Variants in BICRAL observed in about 807,000 individuals in gnomAD.
The protein encoded by BICRAL is BICRA like chromatin remodeling complex associated protein.
A neutral mutation model predicts 91.8 loss-of-function variants in BICRAL; 8 were observed. That is an observed-to-expected ratio of 0.09 (90% confidence interval 0.05 to 0.16). The LOEUF (loss-of-function observed/expected upper bound fraction) is 0.16. Ranked by LOEUF, BICRAL falls within the 10% of genes least tolerant of loss-of-function variation. The pLI is 1.00. For synonymous variants in BICRAL, 445 were observed against 491.1 expected, an observed-to-expected ratio of 0.91 and a Z score of 1.24; for missense variants, 1,038 against 1,310.9, an observed-to-expected ratio of 0.79 and a Z score of 3.21.
intron 6 of BICRAL, among the ~76,000 whole-genome samples, chr6:42,843,416 G>A (rs1476911909): frequency 4.6e-5 from 7 of 152,148 alleles, no homozygotes; most frequent in Non-Finnish European, 7.3e-5. Flanking sequence ...TGGGAAAGGC[G>A]AGCACAAACC....
intron 6 of BICRAL, among the ~76,000 whole-genome samples, chr6:42,833,647 C>T (rs375605408): frequency 2.9e-4 from 44 of 151,902 alleles, no homozygotes; most frequent in African/African-American, 9.2e-4. Flanking sequence ...AGGGTTTCTC[C>T]GTGTTGGCCA....
chr6:42,812,829 C>A (rs934659703), intron 2 of BICRAL, among the ~76,000 whole-genome samples: 4 of 152,116 alleles, frequency 2.6e-5, no homozygotes, highest in African/African-American at 9.7e-5. Flanking sequence ...CCCAGGAGTT[C>A]AGGACCAGCC....
At chr6:42,826,842 A>G (rs1248293041) in intron 5 of BICRAL, among the ~76,000 whole-genome samples, 1 of 151,832 alleles carries the variant, frequency 6.6e-6, no homozygotes, top group Non-Finnish European at 1.5e-5. Flanking sequence ...GCTGGAGTGC[A>G]ATGGCACAAT....
At chr6:42,860,147 C>A in intron 10 of BICRAL, 115 bp from the exon 11 acceptor site, 1 of 650,258 alleles carries the variant, frequency 1.5e-6, no homozygotes, top group Non-Finnish European at 2.7e-6. Flanking sequence ...GAAAATTGCC[C>A]CAGATAAGCC....
chr6:42,779,533 G>A (rs1490008320), upstream of BICRAL, among the ~76,000 whole-genome samples: 1 of 152,086 alleles, frequency 6.6e-6, no homozygotes, highest in African/African-American at 2.4e-5. Context: ...GGCTGCATTT[G>A]AAGCAAAATA....
At chr6:42,815,862 C>T (rs183750701) in intron 2 of BICRAL, among the ~76,000 whole-genome samples, 3 of 151,168 alleles carry the variant, frequency 2.0e-5, no homozygotes, top group Non-Finnish European at 4.4e-5. Context: ...TGGTGTGGCC[C>T]TGTAATCCTA....
rs76134443 is a variant in BICRAL, at chr6:42,867,240, A to T, written c.*1794A>T. On this transcript the variant is annotated 3_prime_UTR_variant, in exon 13 of 13. Transcript: ENST00000314073. Reference sequence around the variant, plus strand: ...CTATACCCCGGTGCCCCTGTGTCCCACTACACACAGAAAACCCTGTGAGAT... The same window carrying T: ...CTATACCCCGGTGCCCCTGTGTCCCTCTACACACAGAAAACCCTGTGAGAT... The T allele has an allele frequency of 1.2e-3, 206 of 167,324 alleles. 3 individuals are homozygous for T. In the East Asian group the frequency reaches 0.032, roughly 26 times the overall value. 10.4% of individuals were successfully genotyped at this position (167,324 alleles called of 1,614,324 possible). A position where few individuals can be genotyped will look rare whatever the true frequency, so the allele number is the denominator to read the frequency against.
intron 1 of BICRAL, among the ~76,000 whole-genome samples, chr6:42,754,472 T>C (rs755897265): frequency 2.0e-5 from 3 of 152,214 alleles, no homozygotes; most frequent in Admixed American, 6.5e-5. Context: ...GTGCCATACA[T>C]AGACTTTTTG....
At chr6:42,783,076 G>C (rs1035015747) in intron 1 of BICRAL, among the ~76,000 whole-genome samples, 2 of 151,776 alleles carry the variant, frequency 1.3e-5, no homozygotes, top group African/African-American at 4.8e-5. Context: ...CCGCGGCGAG[G>C]AGAGCAGGTC....
intron 1 of BICRAL, among the ~76,000 whole-genome samples, chr6:42,757,713 T>C (rs56285608): frequency 0.24 from 37,038 of 152,198 alleles, 4,669 homozygotes; most frequent in African/African-American, 0.27. Flanking sequence ...GCATTTGCTA[T>C]GTGCCAGGAA....
intron 6 of BICRAL, among the ~76,000 whole-genome samples, chr6:42,842,875 A>G (rs1288546102): frequency 7.6e-6 from 1 of 132,230 alleles, no homozygotes; most frequent in Admixed American, 7.5e-5. Context: ...TTTTTTTTAG[A>G]TGGAGTCTTG....
intron 1 of BICRAL, among the ~76,000 whole-genome samples, chr6:42,807,185 G>T (rs1432288479): frequency 6.6e-6 from 1 of 151,558 alleles, no homozygotes; most frequent in African/African-American, 2.4e-5. Context: ...ATTTATTTAT[G>T]TATTTAGTTA....
chr6:42,758,188 A>C (rs555206207), intron 1 of BICRAL, among the ~76,000 whole-genome samples: 1 of 152,114 alleles, frequency 6.6e-6, no homozygotes, highest in African/African-American at 2.4e-5. Context: ...CTATTGTTAC[A>C]GTTTCCCATC....
At chr6:42,793,002 T>TGGA (rs1284696297) in intron 1 of BICRAL, among the ~76,000 whole-genome samples, 2 of 148,192 alleles carry the variant, frequency 1.3e-5, no homozygotes, top group East Asian at 4.1e-4. Flanking sequence ...TTGCCCAGGC[T>TGGA]GGAGTGCAGT....
In BICRAL at chr6:42,801,488, T is replaced by C. The variant is rs556374184; in HGVS notation, c.-101-8818T>C. On this transcript the variant is annotated intron_variant, in intron 1 of 12. Coordinates refer to ENST00000314073, the MANE Select transcript of BICRAL (RefSeq NM_001393499.1). ...GAATGCAAACGGCAGTGTCCCATCT[T>C]TTTTACTATTTATGACTGGCATTGT... Among the ~76,000 whole-genome samples the C allele has an allele frequency of 2.0e-5, 3 of 152,164 alleles. No homozygotes were observed. The South Asian group carries it at 6.2e-4, about 31-fold the overall frequency.
At chr6:42,797,792 A>G in intron 1 of BICRAL, among the ~76,000 whole-genome samples, 1 of 152,066 alleles carries the variant, frequency 6.6e-6, no homozygotes, top group East Asian at 1.9e-4. Context: ...CCTGGCCAAC[A>G]TGGTGAAACC....
At chr6:42,791,985 A>T (rs1238615003) in intron 1 of BICRAL, among the ~76,000 whole-genome samples, 1 of 152,168 alleles carries the variant, frequency 6.6e-6, no homozygotes. Flanking sequence ...TACTGTAGGT[A>T]ACTGTAACTG....
chr6:42,815,315 G>T (rs116214315), intron 2 of BICRAL, among the ~76,000 whole-genome samples: 1 of 148,332 alleles, frequency 6.7e-6, no homozygotes, highest in South Asian at 2.1e-4. Flanking sequence ...TAAGCCTCCC[G>T]AGTAGATAGG....
At chr6:42,768,897 T>A (rs1382568141) in intron 1 of BICRAL, among the ~76,000 whole-genome samples, 1 of 152,160 alleles carries the variant, frequency 6.6e-6, no homozygotes. Flanking sequence ...CAGATGTCGT[T>A]CTCTAAGCAG....
Sources: allele counts gnomAD v4.1 joint callset (sites outside exome capture counted in the v4.1 genomes callset), GRCh38; gene constraint gnomAD v4.1.1; transcripts MANE v1.5; gene names NCBI Gene and HGNC (gene_info 2026-07-23, HGNC 2026-07-21).